Variants in RAPGEF2 observed in about 807,000 individuals in gnomAD.
RAPGEF2 encodes Rap guanine nucleotide exchange factor 2, also known as PDZ domain containing guanine nucleotide exchange factor (GEF) 1.
RAPGEF2 carries 54 observed loss-of-function variants against 186.7 expected under a neutral mutation model. The ratio of observed to expected loss-of-function variants is 0.29; its 90% CI spans 0.23 to 0.36. The LOEUF (loss-of-function observed/expected upper bound fraction) is 0.36, where lower values mean the gene tolerates loss of function less well. Among genes scored for constraint, RAPGEF2 ranks in the 10% least tolerant of loss-of-function variants. The probability of loss-of-function intolerance (pLI) is 1.00; values close to 1 mark genes in which losing one functional copy is unlikely to be tolerated. For missense variants in RAPGEF2, 1,532 were observed against 2,045.0 expected, an observed-to-expected ratio of 0.75 and a Z score of 4.84; for synonymous variants, 712 against 705.9, an observed-to-expected ratio of 1.01 and a Z score of -0.14.
intron 1 of RAPGEF2, among the ~76,000 whole-genome samples, chr4:159,119,489 T>TGAGCTGA (rs1372985736): frequency 6.6e-6 from 1 of 152,202 alleles, no homozygotes; most frequent in Admixed American, 6.5e-5. Flanking sequence ...ATGGGTGCTG[T>TGAGCTGA]GAGCTGATGT....
chr4:159,227,436 G>A (rs6818826), intron 4 of RAPGEF2, among the ~76,000 whole-genome samples: 168 of 152,192 alleles, frequency 1.1e-3, no homozygotes, highest in African/African-American at 3.9e-3. Context: ...ATGAAATGGT[G>A]AACGTTTAAC....
intron 19 of RAPGEF2, among the ~76,000 whole-genome samples, chr4:159,341,212 C>A (rs772273401): frequency 5.3e-5 from 8 of 152,192 alleles, no homozygotes; most frequent in Non-Finnish European, 1.0e-4. Context: ...TTCCTGCTTC[C>A]TGCCTTAGGG....
At chr4:159,285,544 C>CT (rs1368771442) in intron 7 of RAPGEF2, among the ~76,000 whole-genome samples, 1 of 152,186 alleles carries the variant, frequency 6.6e-6, no homozygotes, top group East Asian at 1.9e-4. Flanking sequence ...GGAGGAAGCA[C>CT]TAGGTGTTTC....
intron 7 of RAPGEF2, among the ~76,000 whole-genome samples, chr4:159,296,051 A>G (rs1443015923): frequency 6.6e-6 from 1 of 152,148 alleles, no homozygotes; most frequent in Non-Finnish European, 1.5e-5. Flanking sequence ...CATAGATTTA[A>G]TAACGAGGCC....
chr4:159,353,034 C>A lies in RAPGEF2; in HGVS notation c.4091+124C>A. Reference sequence around the variant, plus strand: ...AATGCCTAAGAATTTTTCTGCCATCCCAGTTCTGATTTTCACAATTTCTAC... The same window carrying A: ...AATGCCTAAGAATTTTTCTGCCATCACAGTTCTGATTTTCACAATTTCTAC... On this transcript the variant is annotated intron_variant, in intron 27 of 29. Coordinates refer to ENST00000691494, the MANE Select transcript of RAPGEF2 (RefSeq NM_001394067.2). This position sits in a 1 kb window ranked among gnomAD's most constrained non-coding sequence, Gnocchi z 4.3. 1.1e-6 allele frequency: 1 copy of A among 913,008 alleles called. No homozygotes were observed. Among genetic ancestry groups the A allele is most frequent in the Non-Finnish European group, 1.6e-6 (1 of 613,682 alleles). 56.6% of individuals were successfully genotyped at this position (913,008 alleles called of 1,614,324 possible).
intron 9 of RAPGEF2, among the ~76,000 whole-genome samples, chr4:159,317,153 A>T (rs183983519): frequency 6.6e-6 from 1 of 152,304 alleles, no homozygotes; most frequent in East Asian, 1.9e-4. Flanking sequence ...TTTCAGCTAT[A>T]TACATATTCT....
chr4:159,349,380 T>C (rs1730847908), intron 25 of RAPGEF2, among the ~76,000 whole-genome samples: 1 of 152,244 alleles, frequency 6.6e-6, no homozygotes, highest in Admixed American at 6.5e-5. Flanking sequence ...TTGTAAAATA[T>C]TTCAGTGTAA....
chr4:159,183,849 G>A (rs558217068), intron 1 of RAPGEF2, among the ~76,000 whole-genome samples: 4 of 152,136 alleles, frequency 2.6e-5, no homozygotes, highest in South Asian at 2.1e-4. Context: ...CCATTAACTC[G>A]TCATTTACAT....
At chr4:159,234,501 G>A (rs1292323020) in intron 4 of RAPGEF2, among the ~76,000 whole-genome samples, 1 of 150,878 alleles carries the variant, frequency 6.6e-6, no homozygotes, top group Non-Finnish European at 1.5e-5. Context: ...TTCTGCCTCA[G>A]CCTCTCGAGT....
At chr4:159,296,933 TGACA>T (rs1213947467) in intron 7 of RAPGEF2, among the ~76,000 whole-genome samples, 6 of 152,346 alleles carry the variant, frequency 3.9e-5, no homozygotes, top group Admixed American at 3.3e-4. Context: ...AGTCACCTTG[TGACA>T]GACAGCCAGT....
Position 159,304,517 on chromosome 4 carries a change from T to G in RAPGEF2, c.675+44T>G, listed in dbSNP as rs1478788987. On this transcript the variant is annotated intron_variant, in intron 8 of 29. Transcript: ENST00000691494. ...TGTCATTTGCTTCATTTTCATTTAT[T>G]CCAAGAAATTTTAAGGTTCTCAGCT... 22 of 1,545,526 alleles carry G rather than the reference T, an allele frequency of 1.4e-5. 2 individuals are homozygous for G. Among genetic ancestry groups the G allele is most frequent in the East Asian group, 9.0e-5 (4 of 44,246 alleles).
chr4:159,232,984 G>A (rs1249051592), intron 4 of RAPGEF2, among the ~76,000 whole-genome samples: 2 of 152,106 alleles, frequency 1.3e-5, no homozygotes, highest in African/African-American at 2.4e-5. Flanking sequence ...AAATGCCTAT[G>A]TAAATCCTTT....
intron 3 of RAPGEF2, 47 bp from the exon 4 acceptor site, chr4:159,210,447 TTTGTTG>T (rs1021398472): frequency 7.9e-7 from 1 of 1,265,756 alleles, no homozygotes; most frequent in Non-Finnish European, 1.1e-6. Context: ...GTTTTAATTT[TTTGTTG>T]TTGTTGTTAT....
chr4:159,263,053 A>G (rs1757049404), intron 7 of RAPGEF2, among the ~76,000 whole-genome samples: 1 of 152,192 alleles, frequency 6.6e-6, no homozygotes, highest in African/African-American at 2.4e-5. Context: ...ATTCTTAATA[A>G]TGAACCAGAA....
intron 7 of RAPGEF2, chr4:159,267,032 C>T (rs1057021393): frequency 1.0e-4 from 45 of 447,566 alleles, no homozygotes; most frequent in East Asian, 2.2e-4. Flanking sequence ...GAGGAGGGGG[C>T]GAGTCTTAAG....
intron 1 of RAPGEF2, among the ~76,000 whole-genome samples, chr4:159,150,993 AT>A (rs1486528935): frequency 6.6e-6 from 1 of 152,146 alleles, no homozygotes; most frequent in African/African-American, 2.4e-5. Flanking sequence ...AAGTAATGGG[AT>A]TGGAGGAGTG....
intron 4 of RAPGEF2, among the ~76,000 whole-genome samples, chr4:159,230,295 A>G (rs1386543843): frequency 6.6e-6 from 1 of 152,206 alleles, no homozygotes; most frequent in Non-Finnish European, 1.5e-5. Flanking sequence ...TCTCATTGAT[A>G]ACTGTTAACC....
chr4:159,150,071 T>A (rs1303687249), intron 1 of RAPGEF2, among the ~76,000 whole-genome samples: 2 of 152,162 alleles, frequency 1.3e-5, no homozygotes, highest in Admixed American at 1.3e-4. Flanking sequence ...TAGTAGTAAT[T>A]TATATTGTTA....
chr4:159,199,350 A>G (rs1170690456), intron 3 of RAPGEF2, among the ~76,000 whole-genome samples: 3 of 152,214 alleles, frequency 2.0e-5, no homozygotes, highest in African/African-American at 7.2e-5. Context: ...GAGTATTTAA[A>G]TAAAAACGTT....
Sources: allele counts gnomAD v4.1 joint callset (sites outside exome capture counted in the v4.1 genomes callset), GRCh38; gene constraint gnomAD v4.1.1; non-coding constraint Gnocchi (gnomAD v3.1); transcripts MANE v1.5; gene names NCBI Gene and HGNC (gene_info 2026-07-23, HGNC 2026-07-21).